Variants in ATF6 observed in about 807,000 individuals in gnomAD.
ATF6 encodes the protein cyclic AMP-dependent transcription factor ATF-6 alpha.
ATF6 carries 53 observed loss-of-function variants against 83.6 expected under a neutral mutation model. The observed-to-expected ratio is 0.63, with a 90% CI of 0.51 to 0.80. The LOEUF is 0.80. Ranked by LOEUF, ATF6 falls within the 30% of genes least tolerant of loss-of-function variation. The probability of loss-of-function intolerance (pLI) is 0.00; values close to 1 mark genes in which losing one functional copy is unlikely to be tolerated. For synonymous variants in ATF6, 288 were observed against 285.8 expected (o/e 1.01, Z -0.08); for missense variants, 744 against 797.9 (o/e 0.93, Z 0.81).
intron 15 of ATF6, among the ~76,000 whole-genome samples, chr1:161,923,923 A>G (rs1262021796): frequency 7.2e-5 from 11 of 152,228 alleles, no homozygotes. Context: ...CTTTCAACAA[A>G]TAAAAACTAG....
intron 12 of ATF6, among the ~76,000 whole-genome samples, chr1:161,857,763 TATG>T (rs1193235540): frequency 6.6e-6 from 1 of 152,106 alleles, no homozygotes; most frequent in African/African-American, 2.4e-5. Context: ...GGCAATTTAT[TATG>T]GGGTTTACAG....
intron 10 of ATF6, among the ~76,000 whole-genome samples, chr1:161,850,441 A>G (rs1686593722): frequency 6.6e-6 from 1 of 152,090 alleles, no homozygotes; most frequent in South Asian, 2.1e-4. Context: ...TGATGTAACT[A>G]CCATCTCCTT....
At chr1:161,800,820 T>C (rs1481756874) in intron 6 of ATF6, among the ~76,000 whole-genome samples, 6 of 152,212 alleles carry the variant, frequency 3.9e-5, no homozygotes, top group Non-Finnish European at 8.8e-5. Context: ...AAAAATGTTT[T>C]CTATGGAGTC....
At chr1:161,888,803 T>C (rs1687486155) in intron 14 of ATF6, among the ~76,000 whole-genome samples, 1 of 152,192 alleles carries the variant, frequency 6.6e-6, no homozygotes. Context: ...CCTAAATTCC[T>C]TGGTTGGCTT....
intron 14 of ATF6, among the ~76,000 whole-genome samples, chr1:161,911,661 GT>G (rs1003620558): frequency 1.7e-4 from 26 of 152,344 alleles, no homozygotes; most frequent in African/African-American, 5.8e-4. Context: ...GTCTAATTCT[GT>G]GGTCCCTTCA....
intron 3 of ATF6, among the ~76,000 whole-genome samples, chr1:161,783,501 G>C (rs1379686155): frequency 6.6e-6 from 1 of 151,896 alleles, no homozygotes; most frequent in Non-Finnish European, 1.5e-5. Context: ...TTATGAGTTT[G>C]AATTGTATTG....
intron 2 of ATF6, among the ~76,000 whole-genome samples, chr1:161,779,642 C>G (rs1430670380): frequency 6.6e-6 from 1 of 152,080 alleles, no homozygotes; most frequent in Non-Finnish European, 1.5e-5. Context: ...AGATCATGCC[C>G]TTATTTAAAA....
At chr1:161,876,811 A>G (rs1399621954) in intron 14 of ATF6, among the ~76,000 whole-genome samples, 1 of 151,894 alleles carries the variant, frequency 6.6e-6, no homozygotes, top group African/African-American at 2.4e-5. Flanking sequence ...TCTTTTCTGT[A>G]TCTTATATGT....
At chr1:161,809,703 C>T (rs1685407188) in intron 7 of ATF6, among the ~76,000 whole-genome samples, 1 of 152,026 alleles carries the variant, frequency 6.6e-6, no homozygotes, top group Non-Finnish European at 1.5e-5. Context: ...TAATGATTGC[C>T]TGTTTCCTGA....
chr1:161,776,850 C>T (rs971245989), intron 1 of ATF6, among the ~76,000 whole-genome samples: 9 of 152,060 alleles, frequency 5.9e-5, no homozygotes, highest in African/African-American at 1.4e-4. Flanking sequence ...TATTTAAAGC[C>T]GTGAGCTCAG....
chr1:161,878,577 A>C (rs1687266714), intron 14 of ATF6, among the ~76,000 whole-genome samples: 1 of 152,034 alleles, frequency 6.6e-6, no homozygotes, highest in Non-Finnish European at 1.5e-5. Context: ...GAATTGGAGA[A>C]GGATGAGAGC....
At chr1:161,775,271 T>C (rs1345391015) in intron 1 of ATF6, among the ~76,000 whole-genome samples, 1 of 152,214 alleles carries the variant, frequency 6.6e-6, no homozygotes, top group Non-Finnish European at 1.5e-5. Context: ...AAGCCACTGC[T>C]TCCCATTTTG....
chr1:161,871,441 C>A (rs1366855214), intron 14 of ATF6, among the ~76,000 whole-genome samples: 2 of 151,410 alleles, frequency 1.3e-5, no homozygotes, highest in East Asian at 3.9e-4. Flanking sequence ...ACCCCCGTGA[C>A]ATGAGTTTAC....
At chr1:161,785,014 T>A (rs1684714094) in intron 4 of ATF6, among the ~76,000 whole-genome samples, 1 of 152,230 alleles carries the variant, frequency 6.6e-6, no homozygotes, top group African/African-American at 2.4e-5. Context: ...CCCAGAGTAC[T>A]AGGCTTTCCA....
At chr1:161,776,758 G>A (rs1684523653) in intron 1 of ATF6, among the ~76,000 whole-genome samples, 2 of 152,194 alleles carry the variant, frequency 1.3e-5, no homozygotes, top group Admixed American at 6.6e-5. Context: ...AAACATCTAA[G>A]AGGAGATGTC....
At chr1:161,923,019 T>C (rs1688244610) in intron 15 of ATF6, among the ~76,000 whole-genome samples, 1 of 152,190 alleles carries the variant, frequency 6.6e-6, no homozygotes, top group Non-Finnish European at 1.5e-5. Context: ...CCCTCCAGGC[T>C]ATCTCCTACC....
At chr1:161,878,129 T>C (rs1687254785) in intron 14 of ATF6, among the ~76,000 whole-genome samples, 1 of 152,174 alleles carries the variant, frequency 6.6e-6, no homozygotes, top group Admixed American at 6.6e-5. Context: ...TATTTATTTA[T>C]TTGGAGACGA....
chr1:161,769,937 T>C (rs529141109), intron 1 of ATF6, among the ~76,000 whole-genome samples: 111 of 152,304 alleles, frequency 7.3e-4, no homozygotes, highest in South Asian at 1.4e-3. Context: ...TCCTGCTGTG[T>C]GGCCTGGTTC....
chr1:161,834,901 A>T (rs920597875), intron 9 of ATF6, among the ~76,000 whole-genome samples: 1 of 152,206 alleles, frequency 6.6e-6, no homozygotes, highest in Non-Finnish European at 1.5e-5. Context: ...TGTGAGAGAT[A>T]TTGGACAAGA....
Sources: allele counts gnomAD v4.1 joint callset (sites outside exome capture counted in the v4.1 genomes callset), GRCh38; gene constraint gnomAD v4.1.1; transcripts MANE v1.5; gene names NCBI Gene and HGNC (gene_info 2026-07-23, HGNC 2026-07-21).